ENG: variants seen among roughly 807,000 people sequenced by gnomAD.
The protein encoded by ENG is endoglin, also known as CD105 antigen.
A neutral mutation model predicts 71.0 loss-of-function variants in ENG; 17 were observed. That is an observed-to-expected ratio of 0.24 (90% CI 0.16 to 0.36). ENG has a LOEUF of 0.36. ENG is among the 10% of genes least tolerant of loss of function. ENG has a pLI of 1.00. For missense variants in ENG, 749 were observed against 868.3 expected, an observed-to-expected ratio of 0.86 and a Z score of 1.73; for synonymous variants, 360 against 366.9, an observed-to-expected ratio of 0.98 and a Z score of 0.21.
intron 12 of ENG, chr9:127,817,870 A>G: frequency 3.4e-6 from 2 of 589,614 alleles, no homozygotes; most frequent in Admixed American, 3.0e-5. Context: ...AAGTGAAAGG[A>G]TGGATGGATG....
chr9:127,847,083 A>G (rs1831183977), intron 1 of ENG: 1 of 309,574 alleles, frequency 3.2e-6, no homozygotes. Context: ...GACCACCAAT[A>G]ATCACTGCAG....
At chr9:127,844,329 G>A (rs975192292) in intron 1 of ENG, among the ~76,000 whole-genome samples, 17 of 151,654 alleles carry the variant, frequency 1.1e-4, no homozygotes, top group Non-Finnish European at 2.2e-4. Flanking sequence ...GCTTCTCCAT[G>A]TTGGTCAGGC....
intron 2 of ENG, among the ~76,000 whole-genome samples, chr9:127,840,017 G>A (rs41496648): frequency 0.023 from 3,576 of 152,276 alleles, 135 homozygotes; most frequent in African/African-American, 0.08. Flanking sequence ...GCCACCATAC[G>A]CTGAGCCGTC....
chr9:127,834,682 C>T (rs538162891), intron 2 of ENG, among the ~76,000 whole-genome samples: 2 of 150,384 alleles, frequency 1.3e-5, no homozygotes, highest in Non-Finnish European at 2.9e-5. Context: ...GGATTATAAG[C>T]GTGTGCCACC....
Position 127,846,289 on chromosome 9 carries a change from G to C in ENG, c.68-3044C>G, listed in dbSNP as rs1472799476. Among the ~76,000 whole-genome samples the C allele has an allele frequency of 2.0e-5, 3 of 152,296 alleles. No homozygotes were observed. The East Asian group carries it at 5.8e-4, about 29-fold the overall frequency. Reference sequence around the variant, plus strand: ...GCGCAGGTTCCTTGGCTGTTACCTAGCTTAAGCCCCTCCTACTCAGATGGG... The same window carrying C: ...GCGCAGGTTCCTTGGCTGTTACCTACCTTAAGCCCCTCCTACTCAGATGGG... On this transcript the variant is annotated intron_variant, in intron 1 of 14. Transcript: ENST00000373203. The surrounding 1 kb of genome is among the most constrained non-coding windows in gnomAD (Gnocchi z 5.5).
chr9:127,836,516 C>T lies in ENG; in HGVS notation c.219+6578G>A, dbSNP rs1169252089. ...CACCCTCCCAGGGCCTGACTGGAGG[C>T]GGTCAGATTGGAGCCAGCCGTCCCT... On this transcript the variant is annotated intron_variant, in intron 2 of 14. Transcript: ENST00000373203. This position sits in a 1 kb window ranked among gnomAD's most constrained non-coding sequence, Gnocchi z 4.0. Among the ~76,000 whole-genome samples the T allele has an allele frequency of 6.6e-6, 1 of 152,224 alleles. No individual in the cohort carries two copies. The highest frequency in any genetic ancestry group is 1.5e-5 in the Non-Finnish European group (1 of 68,044).
chr9:127,843,094 C>T lies in ENG; in HGVS notation c.219G>A (p.Thr73=), dbSNP rs755348996. 12 of 1,614,020 alleles carry T rather than the reference C, an allele frequency of 7.4e-6. No homozygotes were observed. Among genetic ancestry groups the T allele is most frequent in the African/African-American group, 1.3e-5 (1 of 75,040 alleles). ...EVHVLFLEFP[T]GPSQLELTLQ... ...CCCGACCCTGCCATGGGACACTCAC[C>T]GTTGGGAACTCCAGGAAGAGGACAT... The change falls in exon 2 of 15, where the codon ACG becomes ACA. Residue 73 remains threonine (T), a splice_region_variant and synonymous_variant. Transcript: ENST00000373203.
At chr9:127,845,089 A>G (rs964494175) in intron 1 of ENG, among the ~76,000 whole-genome samples, 2 of 152,192 alleles carry the variant, frequency 1.3e-5, no homozygotes, top group East Asian at 1.9e-4. Flanking sequence ...CGGAGGAGGG[A>G]AGGAGGACAG....
At chr9:127,822,929 C>G (rs763457853) in intron 8 of ENG, among the ~76,000 whole-genome samples, 3 of 152,128 alleles carry the variant, frequency 2.0e-5, no homozygotes, top group Admixed American at 6.5e-5. Context: ...CAATCTCCCT[C>G]TACCGGGTTC....
intron 12 of ENG, among the ~76,000 whole-genome samples, chr9:127,817,547 G>A (rs904968068): frequency 1.3e-5 from 2 of 152,150 alleles, no homozygotes; most frequent in Non-Finnish European, 2.9e-5. Flanking sequence ...GGAGGGAGAG[G>A]CCCACTTAGG....
At chr9:127,825,058 G>A (rs1365221299) in intron 6 of ENG, 84 bp from the exon 7 acceptor site, 35 of 1,583,176 alleles carry the variant, frequency 2.2e-5, no homozygotes, top group African/African-American at 1.1e-4. Context: ...GCCAGGCCTC[G>A]GTCCTGCTGT....
In ENG at chr9:127,843,124, T is replaced by C. The variant is rs556824795; in HGVS notation, c.189A>G (p.Glu63=). 49 of 1,614,164 alleles carry C rather than the reference T, an allele frequency of 3.0e-5. No individual in the cohort carries two copies. Among genetic ancestry groups the C allele is most frequent in the South Asian group, 6.6e-5 (6 of 91,084 alleles). The part of the protein sequence containing the change: ...CVAQAPNAIL[E]VHVLFLEFPT... ...GGAACTCCAGGAAGAGGACATGGAC[T>C]TCAAGGATGGCATTGGGGGCCTGAG... is the stretch of plus-strand genomic sequence containing the variant. The change falls in exon 2 of 15, where the codon GAA becomes GAG. Residue 63 remains glutamate, a synonymous_variant. Transcript: ENST00000373203.
At chr9:127,850,228 T>G (rs1052227402) in intron 1 of ENG, among the ~76,000 whole-genome samples, 5 of 152,214 alleles carry the variant, frequency 3.3e-5, no homozygotes, top group African/African-American at 1.2e-4. Context: ...GGCCTGGAGT[T>G]GAAATCTGGA....
chr9:127,817,919 C>T, intron 12 of ENG: 4 of 708,822 alleles, frequency 5.6e-6, no homozygotes, highest in Non-Finnish European at 9.3e-6. Context: ...CTGCCAGTGC[C>T]CCAGACACAG....
intron 8 of ENG, chr9:127,821,519 C>T (rs1035741305): frequency 3.3e-5 from 5 of 152,098 alleles, no homozygotes; most frequent in African/African-American, 9.7e-5. Flanking sequence ...GACCTGAGGT[C>T]GGAAGTTCGA....
chr9:127,841,595 G>A lies in ENG; in HGVS notation c.219+1499C>T, dbSNP rs1434469426. Among the ~76,000 whole-genome samples the A allele has an allele frequency of 3.9e-5, 6 of 152,346 alleles. No homozygotes were observed. In the East Asian group the frequency reaches 7.7e-4, roughly 20 times the overall value. On this transcript the variant is annotated intron_variant, in intron 2 of 14. Transcript: ENST00000373203. Reference sequence around the variant, plus strand: ...CCACAGTCCTCGTAGAGGGCAGGGCGGTGGGGAGCAGGGTCCCCCGATATT... The same window carrying A: ...CCACAGTCCTCGTAGAGGGCAGGGCAGTGGGGAGCAGGGTCCCCCGATATT...
intron 2 of ENG, among the ~76,000 whole-genome samples, 181 bp from the exon 3 acceptor site, chr9:127,830,008 T>A (rs563001436): frequency 2.3e-4 from 35 of 151,766 alleles, no homozygotes; most frequent in Non-Finnish European, 4.7e-4. Flanking sequence ...GAATTCACAA[T>A]AAACAAATGA....
chr9:127,821,800 T>C (rs1350700414), intron 8 of ENG, among the ~76,000 whole-genome samples: 1 of 150,826 alleles, frequency 6.6e-6, no homozygotes, highest in African/African-American at 2.4e-5. Context: ...GGAGAATTGC[T>C]TGAACCCGGG....
chr9:127,820,841 T>A (rs78837884), intron 8 of ENG, among the ~76,000 whole-genome samples: 7,809 of 147,282 alleles, frequency 0.053, 242 homozygotes, highest in South Asian at 0.099. Context: ...AAAAAAAAAA[T>A]ATATATATAT....
Sources: gnomAD v4.1 joint callset for allele counts (sites outside exome capture counted in the v4.1 genomes callset) on GRCh38, gnomAD v4.1.1 for gene constraint, Gnocchi (gnomAD v3.1) non-coding constraint, MANE v1.5 for transcripts, NCBI Gene and HGNC (gene_info 2026-07-23, HGNC 2026-07-21) for gene names.